The following ALK variants were observed in gnomAD, a reference collection of about 807,000 sequenced individuals.
ALK encodes the protein ALK receptor tyrosine kinase.
Under a neutral mutation model 163.1 loss-of-function variants are expected in ALK, and 74 were observed. The ratio of observed to expected loss-of-function variants is 0.45; its 90% CI spans 0.38 to 0.55. The LOEUF is 0.55. ALK is among the 20% of genes least tolerant of loss of function. ALK has a pLI of 0.00. For synonymous variants in ALK, 960 were observed against 843.2 expected, an observed-to-expected ratio of 1.14 and a Z score of -2.40; for missense variants, 2,063 against 2,105.3, an observed-to-expected ratio of 0.98 and a Z score of 0.39.
At chr2:29,632,852 C>A (rs975960069) in intron 3 of ALK, among the ~76,000 whole-genome samples, 3 of 152,120 alleles carry the variant, frequency 2.0e-5, no homozygotes, top group Non-Finnish European at 4.4e-5. Flanking sequence ...AAAAGCAGAA[C>A]CCCCTGATAA....
chr2:29,331,315 C>T (rs1360372940), intron 5 of ALK, among the ~76,000 whole-genome samples: 1 of 152,162 alleles, frequency 6.6e-6, no homozygotes, highest in African/African-American at 2.4e-5. Context: ...CAGGTTTGGA[C>T]CCACTTATAC....
intron 3 of ALK, among the ~76,000 whole-genome samples, chr2:29,648,262 C>T (rs13392455): frequency 0.1 from 15,615 of 152,130 alleles, 1,464 homozygotes; most frequent in African/African-American, 0.25. Flanking sequence ...TCTAGGCTTA[C>T]AACAAAACAC....
chr2:29,854,914 T>C (rs1029830456), intron 1 of ALK, among the ~76,000 whole-genome samples: 3 of 152,254 alleles, frequency 2.0e-5, no homozygotes, highest in African/African-American at 7.2e-5. Flanking sequence ...GTCTTTATTT[T>C]ATTGCGGTAA....
chr2:29,823,884 T>C (rs1393998436), intron 1 of ALK, among the ~76,000 whole-genome samples: 1 of 152,242 alleles, frequency 6.6e-6, no homozygotes, highest in African/African-American at 2.4e-5. Flanking sequence ...AGGAGTTGCA[T>C]ATTAATCCCC....
rs114560845 is a variant in ALK, at chr2:29,447,598, C to T, written c.1155-63739G>A. Among the ~76,000 whole-genome samples the T allele has an allele frequency of 9.5e-3, 1,452 of 152,290 alleles. 22 individuals carry two copies. The highest frequency in any genetic ancestry group is 0.033 in the African/African-American group (1,373 of 41,548). ...ATGGAGTCAGGCCCCATCCTTCTCT[C>T]CACAGTCAGCTTCTATTAGGAGATG... On this transcript the variant is annotated intron_variant, in intron 4 of 28. Transcript: ENST00000389048.
intron 2 of ALK, 87 bp from the exon 3 acceptor site, chr2:29,695,101 C>T: frequency 6.9e-7 from 1 of 1,459,252 alleles, no homozygotes; most frequent in African/African-American, 1.4e-5. Context: ...GGAGGTTGGC[C>T]TTCATCTCCC....
At chr2:29,813,062 T>C (rs72854291) in intron 1 of ALK, among the ~76,000 whole-genome samples, 20,509 of 152,148 alleles carry the variant, frequency 0.13, 1,477 homozygotes, top group African/African-American at 0.2. Flanking sequence ...CATTAAGAGA[T>C]AAACTTCATG....
At chr2:29,405,506 C>T (rs1669561337) in intron 4 of ALK, among the ~76,000 whole-genome samples, 2 of 152,276 alleles carry the variant, frequency 1.3e-5, no homozygotes, top group Middle Eastern at 3.4e-3. Context: ...AAGCGTGTCT[C>T]CCCACTTTGT....
intron 1 of ALK, among the ~76,000 whole-genome samples, chr2:29,818,449 A>G (rs1432692046): frequency 6.6e-6 from 1 of 152,270 alleles, no homozygotes; most frequent in African/African-American, 2.4e-5. Flanking sequence ...GCAAAATGAG[A>G]CGTTAGAGGA....
At chr2:29,372,381 A>G (rs1018245109) in intron 5 of ALK, among the ~76,000 whole-genome samples, 5 of 152,170 alleles carry the variant, frequency 3.3e-5, no homozygotes, top group Non-Finnish European at 5.9e-5. Context: ...CCTGAGTTGT[A>G]CTAGTTCACT....
intron 9 of ALK, among the ~76,000 whole-genome samples, chr2:29,288,266 A>G (rs1665912209): frequency 6.6e-6 from 1 of 152,188 alleles, no homozygotes; most frequent in African/African-American, 2.4e-5. Context: ...CTATTTGCAT[A>G]GGCTTTAGGC....
At chr2:29,444,941 A>G (rs1302931991) in intron 4 of ALK, among the ~76,000 whole-genome samples, 1 of 152,168 alleles carries the variant, frequency 6.6e-6, no homozygotes, top group Non-Finnish European at 1.5e-5. Context: ...CAGTTTGGGC[A>G]TCTAGGGGTT....
chr2:29,747,233 G>A (rs1680228127), intron 1 of ALK, among the ~76,000 whole-genome samples: 1 of 152,132 alleles, frequency 6.6e-6, no homozygotes, highest in African/African-American at 2.4e-5. Context: ...CCTCTAATCA[G>A]GGCTTTATTC....
At chr2:29,328,915 T>C (rs563326884) in intron 5 of ALK, among the ~76,000 whole-genome samples, 25 of 152,328 alleles carry the variant, frequency 1.6e-4, no homozygotes, top group African/African-American at 6.0e-4. Flanking sequence ...CCCCATGTTC[T>C]TGACCCCAGG....
At chr2:29,292,924 T>C (rs1232327051) in intron 9 of ALK, among the ~76,000 whole-genome samples, 2 of 152,286 alleles carry the variant, frequency 1.3e-5, no homozygotes, top group East Asian at 3.9e-4. Flanking sequence ...GTGGGGGCAA[T>C]CTGACTAGAG....
intron 1 of ALK, among the ~76,000 whole-genome samples, chr2:29,891,345 G>C (rs1371277314): frequency 2.0e-5 from 3 of 152,202 alleles, no homozygotes; most frequent in Non-Finnish European, 4.4e-5. Flanking sequence ...AGAAACTCCA[G>C]GGTACAGGAG....
rs377386871 is a variant in ALK at position 29,328,135 on chromosome 2, G to T, written c.1414+215C>A. Among the ~76,000 whole-genome samples the T allele has an allele frequency of 3.1e-3, 468 of 152,298 alleles. 1 individual carries two copies. The highest frequency in any genetic ancestry group is 5.4e-3 in the South Asian group (26 of 4,820). ...TAGCATCACTTACAAGATCTTGTTT[G>T]GTTCTTGACTTATATGACTACGGAC... On this transcript the variant is annotated intron_variant, in intron 6 of 28. Transcript: ENST00000389048.
chr2:29,771,737 T>C (rs955211641), intron 1 of ALK, among the ~76,000 whole-genome samples: 2 of 151,982 alleles, frequency 1.3e-5, no homozygotes. Context: ...GGTTTCACCG[T>C]GTTAGCCAGG....
chr2:29,670,691 C>T (rs541070813), intron 3 of ALK, among the ~76,000 whole-genome samples: 42 of 152,078 alleles, frequency 2.8e-4, no homozygotes, highest in Admixed American at 2.3e-3. Flanking sequence ...AATCTTCATT[C>T]CTTTTTGTTC....
Sources: gnomAD v4.1 joint callset for allele counts (sites outside exome capture counted in the v4.1 genomes callset) on GRCh38, gnomAD v4.1.1 for gene constraint, MANE v1.5 for transcripts, NCBI Gene and HGNC (gene_info 2026-07-23, HGNC 2026-07-21) for gene names.